ACTN4: variants seen among roughly 807,000 people sequenced by gnomAD.
ACTN4 encodes actinin alpha 4.
ACTN4 carries 18 observed loss-of-function variants against 114.2 expected under a neutral mutation model. That is an observed-to-expected ratio of 0.16 (90% CI 0.11 to 0.23). The LOEUF (loss-of-function observed/expected upper bound fraction) is 0.23, where lower values mean the gene tolerates loss of function less well. ACTN4 is among the 10% of genes least tolerant of loss of function. ACTN4 has a pLI of 1.00. For missense variants in ACTN4, 722 were observed against 1,262.9 expected, an observed-to-expected ratio of 0.57 and a Z score of 6.49; for synonymous variants, 515 against 506.3, an observed-to-expected ratio of 1.02 and a Z score of -0.23.
At chr19:38,650,872 A>G (rs1244475169) in intron 1 of ACTN4, among the ~76,000 whole-genome samples, 2 of 152,076 alleles carry the variant, frequency 1.3e-5, no homozygotes, top group African/African-American at 4.8e-5. Context: ...AGTAGCTGGG[A>G]ATACGGGCAT....
intron 20 of ACTN4, 36 bp downstream of exon 20, chr19:38,729,190 C>T (rs199910233): frequency 4.2e-5 from 68 of 1,612,472 alleles, no homozygotes; most frequent in South Asian, 1.3e-4. Flanking sequence ...TGGGGGCTGG[C>T]GAGAGGGGTC....
At position 38,718,078 on chromosome 19, in the gene ACTN4, C is replaced by T. The variant is rs201704771; in HGVS notation, c.1291+4C>T. 1.9e-4 allele frequency: 310 copies of T among 1,605,308 alleles called. No homozygotes were observed. Among genetic ancestry groups the T allele is most frequent in the Middle Eastern group, 1.5e-3 (9 of 6,046 alleles). ...ATCCACGAGGCCTGGACTGACGGTA[C>T]GGCCCAGCTCTGCCCCACTCTGCCC... is the stretch of plus-strand genomic sequence containing the variant. On this transcript the variant is annotated splice_donor_region_variant and intron_variant, in intron 11 of 20. Coordinates refer to ENST00000252699, the MANE Select transcript of ACTN4 (RefSeq NM_004924.6).
rs1035849686 is a variant in ACTN4, at chr19:38,724,807, C to G, written c.2010+242C>G. 6.6e-6 allele frequency among the ~76,000 whole-genome samples: 1 copy of G among 152,222 alleles called. No homozygotes were observed. The highest frequency in any genetic ancestry group is 2.4e-5 in the African/African-American group (1 of 41,456). ...TCGCTTGAGCCCAGGAGTTCGAGACCAGCCTGGGCAACATAGTGAGACCCC... is the reference window on the plus strand; with the variant it reads ...TCGCTTGAGCCCAGGAGTTCGAGACGAGCCTGGGCAACATAGTGAGACCCC... On this transcript the variant is annotated intron_variant, in intron 16 of 20. Transcript: ENST00000252699. The surrounding 1 kb of genome is among the most constrained non-coding windows in gnomAD (Gnocchi z 7.0).
intron 3 of ACTN4, among the ~76,000 whole-genome samples, chr19:38,701,632 T>C (rs1473816322): frequency 6.6e-6 from 1 of 152,130 alleles, no homozygotes; most frequent in Non-Finnish European, 1.5e-5. Flanking sequence ...TTGGAGAATT[T>C]TGCCTCTGAC....
chr19:38,696,344 G>A (rs914482526), intron 1 of ACTN4, among the ~76,000 whole-genome samples: 1 of 152,078 alleles, frequency 6.6e-6, no homozygotes, highest in Non-Finnish European at 1.5e-5. Context: ...GTGGCCTGGG[G>A]CATCATGAGG....
chr19:38,724,226 C>G lies in ACTN4; in HGVS notation c.1762C>G (p.Leu588Val). ...CGCCGATAGGGAGCGCGAGGCCATCCTGGCCATCCACAAGGAGGCCCAGAG... is the reference window on the plus strand; with the variant it reads ...CGCCGATAGGGAGCGCGAGGCCATCGTGGCCATCCACAAGGAGGCCCAGAG... ...PDADREREAI[L>V]AIHKEAQRIA... is the part of the protein sequence containing the mutation. Residue 588 changes from leucine to valine, a missense_variant, in exon 15 of 21, where the codon CTG (leucine) becomes GTG (valine). Physicochemically the swap from Leu to Val is conservative, Grantham distance 32 (BLOSUM62 1). Coordinates refer to ENST00000252699, the MANE Select transcript of ACTN4 (RefSeq NM_004924.6). This position sits in a 1 kb window ranked among gnomAD's most constrained non-coding sequence, Gnocchi z 7.0. The G allele has an allele frequency of 6.2e-7, 1 of 1,613,958 alleles. No individual in the cohort carries two copies. Among genetic ancestry groups the G allele is most frequent in the Admixed American group, 1.7e-5 (1 of 60,032 alleles).
Position 38,668,385 on chromosome 19 carries a change from A to C in ACTN4, c.162+20478A>C, listed in dbSNP as rs182318069. 1.4e-4 allele frequency among the ~76,000 whole-genome samples: 21 copies of C among 152,324 alleles called. No homozygotes were observed. In the East Asian group the frequency reaches 2.9e-3, roughly 21 times the overall value. ...GAAAACCAACCCAACCCTGTCCTTA[A>C]AGAAAAGATGGACGATGAAGGGCCA... On this transcript the variant is annotated intron_variant, in intron 1 of 20. Transcript: ENST00000252699.
At chr19:38,690,486 G>C (rs1367748609) in intron 1 of ACTN4, among the ~76,000 whole-genome samples, 2 of 152,196 alleles carry the variant, frequency 1.3e-5, no homozygotes, top group Non-Finnish European at 2.9e-5. Context: ...ATGACCCACG[G>C]CTTCTAATAG....
rs996803518 is a variant in ACTN4, at chr19:38,717,760, C to T, written c.1144-167C>T. 6.6e-6 allele frequency among the ~76,000 whole-genome samples: 1 copy of T among 152,224 alleles called. No homozygotes were observed. Among genetic ancestry groups the T allele is most frequent in the Admixed American group, 6.5e-5 (1 of 15,282 alleles). On this transcript the variant is annotated intron_variant, in intron 10 of 20. Coordinates refer to ENST00000252699, the MANE Select transcript of ACTN4 (RefSeq NM_004924.6). The surrounding 1 kb of genome is among the most constrained non-coding windows in gnomAD (Gnocchi z 4.0). ...GTTAATCCAGAATTGATTGTACCTG[C>T]TGAGTGCTGGGGGGCCCTGTGTAGG... is the stretch of plus-strand genomic sequence containing the variant.
chr19:38,663,732 A>T (rs1045433960), intron 1 of ACTN4, among the ~76,000 whole-genome samples: 1 of 152,120 alleles, frequency 6.6e-6, no homozygotes, highest in East Asian at 1.9e-4. Flanking sequence ...GGTTTGAAGG[A>T]TGAGGTACCA....
In ACTN4 at chr19:38,647,810, C is replaced by T. The variant is rs572451257; in HGVS notation, c.65C>T (p.Ala22Val). Residue 22 changes from alanine to valine, a missense_variant, in exon 1 of 21, where the codon GCT (alanine) becomes GTT (valine). Physicochemically the swap from Ala to Val is moderately conservative, Grantham distance 64. Transcript: ENST00000252699. ...GGCCCCAGCAGCGCGGGCAATGGCG[C>T]TGGCGGCGGGGGCAGCATGGGCGAC... ...QYGPSSAGNG[A>V]GGGGSMGDYM... 2.9e-5 allele frequency: 45 copies of T among 1,553,566 alleles called. No individual in the cohort carries two copies. In the Admixed American group the frequency reaches 3.1e-4, roughly 11 times the overall value.
chr19:38,691,888 C>T (rs944965118), intron 1 of ACTN4, among the ~76,000 whole-genome samples: 9 of 152,090 alleles, frequency 5.9e-5, no homozygotes, highest in South Asian at 2.1e-4. Context: ...GGCGACACAG[C>T]GAGACTCTGT....
rs1968260005 is a variant in ACTN4 at position 38,701,126 on chromosome 19, G to A, written c.397+5G>A. On this transcript the variant is annotated splice_donor_5th_base_variant and intron_variant, in intron 3 of 20. Coordinates refer to ENST00000252699, the MANE Select transcript of ACTN4 (RefSeq NM_004924.6). Reference sequence around the variant, plus strand: ...TGGTCTCCATCGGGGCAGAAGGTGAGCTGGAGGTGGGGCAGCGAGGGTCCT... The same window carrying A: ...TGGTCTCCATCGGGGCAGAAGGTGAACTGGAGGTGGGGCAGCGAGGGTCCT... The A allele has an allele frequency of 6.2e-7, 1 of 1,613,894 alleles. No homozygotes were observed. The highest frequency in any genetic ancestry group is 8.5e-7 in the Non-Finnish European group (1 of 1,180,024).
At position 38,729,085 on chromosome 19, in the gene ACTN4, G is replaced by A. The variant is rs749956565; in HGVS notation, c.2508G>A (p.Ser836=). 8.1e-6 allele frequency: 13 copies of A among 1,613,412 alleles called. No homozygotes were observed. The Admixed American group carries it at 1.2e-4, about 14-fold the overall frequency. The part of the protein sequence containing the change: ...VTFQAFIDFM[S]RETTDTDTAD... ...TCCAAGCCTTCATCGACTTCATGTC[G>A]CGGGAGACCACCGACACGGACACGG... Residue 836 remains serine (S), a synonymous_variant, in exon 20 of 21, where the codon TCG becomes TCA. Transcript: ENST00000252699.
Position 38,731,485 on chromosome 19 carries a change from AT to A in ACTN4, c.*2054del. 1 of 532,242 alleles carries A rather than the reference AT, an allele frequency of 1.9e-6. No individual in the cohort carries two copies. The highest frequency in any genetic ancestry group is 2.1e-5 in the South Asian group (1 of 47,422). 33.0% of individuals were successfully genotyped at this position (532,242 alleles called of 1,614,324 possible). On this transcript the variant is annotated 3_prime_UTR_variant, in exon 21 of 21. Transcript: ENST00000252699. ...AGGACAGCGTCTGACACGTGACTCG[AT>A]GTGTGGGTACTGTTACTCCTTAAAT...
At chr19:38,721,799 C>T in intron 12 of ACTN4, 111 bp downstream of exon 12, 1 of 1,477,482 alleles carries the variant, frequency 6.8e-7, no homozygotes, top group Non-Finnish European at 9.2e-7. Context: ...GAATAGGGTC[C>T]CCAGTGCCCC....
intron 3 of ACTN4, 66 bp downstream of exon 3, chr19:38,701,187 A>G: frequency 6.2e-7 from 1 of 1,606,802 alleles, no homozygotes; most frequent in South Asian, 1.1e-5. Context: ...GAAGCACAAC[A>G]TCTGCATCCT....
chr19:38,723,867 C>T, intron 13 of ACTN4, 70 bp from the exon 14 acceptor site: 1 of 1,545,560 alleles, frequency 6.5e-7, no homozygotes, highest in Non-Finnish European at 8.9e-7. Flanking sequence ...CTGGACCCCT[C>T]CCCACCCCTC....
intron 12 of ACTN4, 182 bp downstream of exon 12, chr19:38,721,870 C>G: frequency 1.2e-6 from 1 of 859,362 alleles, no homozygotes; most frequent in Non-Finnish European, 1.9e-6. Context: ...TTTGCCCATC[C>G]TGTCTCAGCC....
Sources: gnomAD v4.1 joint callset for allele counts (sites outside exome capture counted in the v4.1 genomes callset) on GRCh38, gnomAD v4.1.1 for gene constraint, Gnocchi (gnomAD v3.1) non-coding constraint, MANE v1.5 for transcripts, NCBI Gene and HGNC (gene_info 2026-07-23, HGNC 2026-07-21) for gene names.